Variants in ORC4 observed in about 807,000 individuals in gnomAD.
ORC4 encodes origin recognition complex subunit 4.
A neutral mutation model predicts 63.9 loss-of-function variants in ORC4; 55 were observed. That is an observed-to-expected ratio of 0.86 (90% confidence interval 0.69 to 1.08). The LOEUF (loss-of-function observed/expected upper bound fraction) is 1.08. Ranked by LOEUF, ORC4 falls within the 50% of genes least tolerant of loss-of-function variation. The probability of loss-of-function intolerance (pLI) is 0.00; values close to 1 mark genes in which losing one functional copy is unlikely to be tolerated. For synonymous variants in ORC4, 150 were observed against 168.5 expected, an observed-to-expected ratio of 0.89 and a Z score of 0.85; for missense variants, 511 against 504.4, an observed-to-expected ratio of 1.01 and a Z score of -0.13.
intron 1 of ORC4, among the ~76,000 whole-genome samples, chr2:147,993,052 A>G (rs1254321114): frequency 6.6e-6 from 1 of 152,238 alleles, no homozygotes; most frequent in South Asian, 2.1e-4. Context: ...GAGGCCAAGA[A>G]GAATCTATAC....
chr2:147,932,683 C>A lies in ORC4; in HGVS notation c.*2827G>T, dbSNP rs1687835862. 1 of 152,040 alleles carries A rather than the reference C, an allele frequency of 6.6e-6. No individual in the cohort carries two copies. The highest frequency in any genetic ancestry group is 1.5e-5 in the Non-Finnish European group (1 of 68,024). 9.4% of individuals were successfully genotyped at this position (152,040 alleles called of 1,614,324 possible). On this transcript the variant is annotated 3_prime_UTR_variant, in exon 14 of 14. Transcript: ENST00000392857. ...CACTAAAGTATGTGTGTTGGTCCTG[C>A]CAGTATTAGAAACCAGAGGCTTGTT... is the stretch of plus-strand genomic sequence containing the variant.
chr2:147,992,206 T>C (rs1028325882), intron 1 of ORC4, among the ~76,000 whole-genome samples: 3 of 152,162 alleles, frequency 2.0e-5, no homozygotes, highest in African/African-American at 7.2e-5. Context: ...AGCTAATGTG[T>C]TTAATTGGAT....
intron 1 of ORC4, among the ~76,000 whole-genome samples, chr2:147,992,712 A>G (rs1691696388): frequency 6.6e-6 from 1 of 152,152 alleles, no homozygotes; most frequent in African/African-American, 2.4e-5. Flanking sequence ...TGCTAGGGCT[A>G]AGGAAATGAT....
intron 2 of ORC4, 71 bp from the exon 3 acceptor site, chr2:147,973,595 C>T: frequency 1.1e-6 from 1 of 875,450 alleles, no homozygotes. Context: ...TAAGAAAGCA[C>T]ATTTACAATA....
chr2:147,948,287 T>A, intron 8 of ORC4, 63 bp from the exon 9 acceptor site: 1 of 1,086,666 alleles, frequency 9.2e-7, no homozygotes, highest in Non-Finnish European at 1.4e-6. Flanking sequence ...AAAAACACTG[T>A]ACCAATGTTA....
intron 1 of ORC4, among the ~76,000 whole-genome samples, chr2:147,997,567 T>C (rs1048345122): frequency 3.3e-5 from 5 of 152,134 alleles, no homozygotes; most frequent in African/African-American, 9.7e-5. Flanking sequence ...ATTTTGTAAG[T>C]ATTTAATATA....
At chr2:147,969,765 C>T (rs1690102601) in intron 4 of ORC4, among the ~76,000 whole-genome samples, 1 of 151,716 alleles carries the variant, frequency 6.6e-6, no homozygotes, top group South Asian at 2.1e-4. Context: ...GAATATTATT[C>T]TTTAGTGAAC....
chr2:147,932,897 G>A lies in ORC4; in HGVS notation c.*2613C>T, dbSNP rs767826966. ...ACAGAAAGACTGAAGTGTTTCTTACGGTGTTTTCTGCAAAACGTGATTCAT... is the reference window on the plus strand; with the variant it reads ...ACAGAAAGACTGAAGTGTTTCTTACAGTGTTTTCTGCAAAACGTGATTCAT... On this transcript the variant is annotated 3_prime_UTR_variant, in exon 14 of 14. Coordinates refer to ENST00000392857, the MANE Select transcript of ORC4 (RefSeq NM_181741.4). 3.9e-5 allele frequency: 6 copies of A among 152,036 alleles called. No individual in the cohort carries two copies. Among genetic ancestry groups the A allele is most frequent in the African/African-American group, 1.4e-4 (6 of 41,420 alleles). The allele number at this position is 152,036 out of a possible 1,614,324, so 9.4% of individuals were successfully genotyped here. A position where few individuals can be genotyped will look rare whatever the true frequency, so the allele number is the denominator to read the frequency against.
At chr2:147,960,451 A>G (rs531166989) in intron 4 of ORC4, 1 of 638,176 alleles carries the variant, frequency 1.6e-6, no homozygotes, top group South Asian at 7.0e-5. Flanking sequence ...TTTAAACTAC[A>G]TTATACACTA....
intron 1 of ORC4, among the ~76,000 whole-genome samples, chr2:147,998,630 G>A (rs1692121946): frequency 6.6e-6 from 1 of 152,130 alleles, no homozygotes; most frequent in South Asian, 2.1e-4. Context: ...GAACTTCTCA[G>A]TCTGCAGAAC....
rs756015637 is a variant in ORC4, at chr2:147,948,080, A to T, written c.733T>A (p.Phe245Ile). ...SLPAEFPDKVFAEKWNENVQY... is the reference protein window; with the variant it reads ...SLPAEFPDKVIAEKWNENVQY... ...ACATTTTCATTCCACTTCTCAGCAA[A>T]AACCTTGTCTGGAAACTCTGCAGGT... The change falls in exon 9 of 14, where the codon TTT (phenylalanine) becomes ATT (isoleucine). Residue 245 changes from phenylalanine (F) to isoleucine (I), a missense_variant. Physicochemically the swap from Phe to Ile is conservative, Grantham distance 21. Coordinates refer to ENST00000392857, the MANE Select transcript of ORC4 (RefSeq NM_181741.4). 6.8e-6 allele frequency: 11 copies of T among 1,612,190 alleles called. No homozygotes were observed.
chr2:147,979,201 T>C (rs982118244), intron 1 of ORC4, among the ~76,000 whole-genome samples: 2 of 152,154 alleles, frequency 1.3e-5, no homozygotes, highest in Non-Finnish European at 2.9e-5. Flanking sequence ...TAATTTTATA[T>C]AGAGAAAATC....
chr2:147,986,814 C>T (rs767915), intron 1 of ORC4, among the ~76,000 whole-genome samples: 1 of 150,852 alleles, frequency 6.6e-6, no homozygotes, highest in South Asian at 2.1e-4. Context: ...CACACACACA[C>T]TAGTGACCTT....
At chr2:147,997,242 C>A (rs1308737234) in intron 1 of ORC4, among the ~76,000 whole-genome samples, 1 of 152,014 alleles carries the variant, frequency 6.6e-6, no homozygotes, top group African/African-American at 2.4e-5. Context: ...ACTAAAAGAT[C>A]AGTGGTTGTC....
intron 2 of ORC4, among the ~76,000 whole-genome samples, chr2:147,975,507 A>G (rs1343605068): frequency 4.4e-3 from 2 of 450 alleles, no homozygotes; most frequent in Admixed American, 0.033. Context: ...AAGAAAAGGG[A>G]AAAAAAAAAA....
chr2:148,007,484 A>C (rs1692706025), intron 1 of ORC4, among the ~76,000 whole-genome samples: 1 of 152,220 alleles, frequency 6.6e-6, no homozygotes, highest in East Asian at 1.9e-4. Context: ...CAGAAGAATA[A>C]ATTAGTGAGC....
At chr2:147,963,937 G>GA (rs1351880043) in intron 4 of ORC4, among the ~76,000 whole-genome samples, 4 of 151,960 alleles carry the variant, frequency 2.6e-5, no homozygotes, top group Non-Finnish European at 4.4e-5. Flanking sequence ...CTGACACCTC[G>GA]AGACACATTG....
intron 10 of ORC4, 49 bp downstream of exon 10, chr2:147,943,387 T>C (rs768611691): frequency 2.3e-6 from 3 of 1,296,606 alleles, no homozygotes; most frequent in South Asian, 1.2e-5. Context: ...CCCGTCACTA[T>C]TAAAAACAAA....
chr2:148,006,041 G>A (rs62169549), intron 1 of ORC4, among the ~76,000 whole-genome samples: 11,544 of 152,146 alleles, frequency 0.076, 644 homozygotes, highest in Middle Eastern at 0.13. Context: ...GAGTAATCAC[G>A]GCACCTGGTT....
Sources: gnomAD v4.1 joint callset for allele counts (sites outside exome capture counted in the v4.1 genomes callset) on GRCh38, gnomAD v4.1.1 for gene constraint, MANE v1.5 for transcripts, NCBI Gene and HGNC (gene_info 2026-07-23, HGNC 2026-07-21) for gene names.